XPA: variants seen among roughly 807,000 people sequenced by gnomAD.
XPA encodes the protein DNA repair protein complementing XP-A cells.
A neutral mutation model predicts 35.7 loss-of-function variants in XPA; 27 were observed. The ratio of observed to expected loss-of-function variants is 0.76; its 90% CI spans 0.56 to 1.04. The LOEUF is 1.04. Among genes scored for constraint, XPA ranks in the 50% least tolerant of loss-of-function variants. The pLI is 0.00. For missense variants in XPA, 354 were observed against 342.7 expected (o/e 1.03, Z -0.26); for synonymous variants, 133 against 118.4 (o/e 1.12, Z -0.80).
intron 1 of XPA, among the ~76,000 whole-genome samples, chr9:97,696,000 A>C (rs1450028473): frequency 6.6e-6 from 1 of 152,250 alleles, no homozygotes; most frequent in Non-Finnish European, 1.5e-5. Flanking sequence ...CTATGAATTA[A>C]TCAGTGCAAA....
At chr9:97,677,118 T>G (rs1828391113) in intron 5 of XPA, among the ~76,000 whole-genome samples, 1 of 146,352 alleles carries the variant, frequency 6.8e-6, no homozygotes, top group Admixed American at 6.8e-5. Context: ...AAAATTTTAC[T>G]GCAGCGCAAT....
the XPA span, chr9:97,658,755 A>G: frequency 5.2e-6 from 8 of 1,547,462 alleles, no homozygotes; most frequent in Non-Finnish European, 7.1e-6. Flanking sequence ...TAAGTAATGA[A>G]ACTAATCCCT....
chr9:97,665,981 T>C, the XPA span, among the ~76,000 whole-genome samples: 1 of 152,152 alleles, frequency 6.6e-6, no homozygotes, highest in African/African-American at 2.4e-5. Flanking sequence ...TATCTTCACA[T>C]TGAGTAGGCT....
At chr9:97,696,886 G>A (rs910217727) in intron 1 of XPA, among the ~76,000 whole-genome samples, 23 of 152,240 alleles carry the variant, frequency 1.5e-4, no homozygotes, top group Admixed American at 3.9e-4. Context: ...AAGAAGGCCC[G>A]GGGCTGGGGG....
Position 97,689,638 on chromosome 9 carries a change from T to A in XPA, c.285A>T (p.Gly95=), listed in dbSNP as rs530809213. ...TTACATAATCAAATTCCATAACAGG[T>A]CCTAAGAAAAGGAAAATGAACTCTA... ...QKIGKVVHQP[G]PVMEFDYVIC... Residue 95 remains glycine, a splice_region_variant and synonymous_variant, in exon 3 of 6, where the codon GGA becomes GGT. Transcript: ENST00000375128. 36 of 1,590,520 alleles carry A rather than the reference T, an allele frequency of 2.3e-5. No homozygotes were observed. The South Asian group carries it at 4.0e-4, about 18-fold the overall frequency.
At chr9:97,682,227 G>A (rs888985180) in intron 5 of XPA, 31 of 509,936 alleles carry the variant, frequency 6.1e-5, no homozygotes, top group Non-Finnish European at 1.1e-4. Flanking sequence ...AACTGTGTCA[G>A]CTTCTTTGTG....
At chr9:97,684,115 C>T (rs1587743343) in intron 5 of XPA, among the ~76,000 whole-genome samples, 2 of 152,284 alleles carry the variant, frequency 1.3e-5, no homozygotes, top group Admixed American at 6.5e-5. Flanking sequence ...CAGCACCGCA[C>T]GTTCATCACT....
the XPA span, among the ~76,000 whole-genome samples, chr9:97,659,113 C>A: frequency 6.6e-6 from 1 of 152,202 alleles, no homozygotes; most frequent in African/African-American, 2.4e-5. Context: ...ATATTTGTGG[C>A]AGTATGCCTT....
intron 2 of XPA, 81 bp from the exon 3 acceptor site, chr9:97,689,720 C>A: frequency 1.3e-6 from 1 of 781,586 alleles, no homozygotes. Flanking sequence ...AGCTTATCAG[C>A]ATGTATGCAA....
intron 5 of XPA, among the ~76,000 whole-genome samples, chr9:97,680,131 T>A (rs1329092895): frequency 6.6e-5 from 10 of 152,232 alleles, no homozygotes; most frequent in Admixed American, 6.5e-4. Context: ...TATTAAATTA[T>A]ACACAAGGTA....
chr9:97,662,809 T>C, the XPA span: 1 of 605,924 alleles, frequency 1.7e-6, no homozygotes, highest in Non-Finnish European at 2.8e-6. Flanking sequence ...GTGATCACAC[T>C]TTTTGCATCC....
At chr9:97,691,972 A>G (rs1482725474) in intron 2 of XPA, among the ~76,000 whole-genome samples, 1 of 150,698 alleles carries the variant, frequency 6.6e-6, no homozygotes, top group Non-Finnish European at 1.5e-5. Flanking sequence ...AACTCTCAGA[A>G]CTGCCACAAT....
chr9:97,676,409 CTT>C (rs1312578042), intron 5 of XPA, among the ~76,000 whole-genome samples: 1 of 152,220 alleles, frequency 6.6e-6, no homozygotes, highest in Non-Finnish European at 1.5e-5. Context: ...AAAAGCAACA[CTT>C]TACACTTCTA....
rs772700262 is a variant in XPA at position 97,687,201 on chromosome 9, C to G, written c.450G>C (p.Leu150=). The G allele has an allele frequency of 2.5e-6, 4 of 1,611,466 alleles. No homozygotes were observed. Among genetic ancestry groups the G allele is most frequent in the Non-Finnish European group, 3.4e-6 (4 of 1,179,254 alleles). The change falls in exon 4 of 6, where the codon CTG becomes CTC. Residue 150 remains leucine (L), a synonymous_variant. Transcript: ENST00000375128. ...CTCTTTTTTCTAAATCACAGTCTTT[C>G]AGAAGATATTCTTGTTTTGCCTCTG... ...TKTEAKQEYL[L]KDCDLEKREP...
Position 97,675,475 on chromosome 9 carries a change from A to T in XPA, c.786T>A (p.Thr262=). 1 of 1,614,002 alleles carries T rather than the reference A, an allele frequency of 6.2e-7. No individual in the cohort carries two copies. Among genetic ancestry groups the T allele is most frequent in the Non-Finnish European group, 8.5e-7 (1 of 1,179,940 alleles). Reference sequence around the variant, plus strand: ...CATATGTCAGTTCATGGCCACACATAGTACAAGTCTTACGGTACATGTCAT... The same window carrying T: ...CATATGTCAGTTCATGGCCACACATTGTACAAGTCTTACGGTACATGTCAT... ...LEDDMYRKTC[T]MCGHELTYEK... The change falls in exon 6 of 6, where the codon ACT becomes ACA. Residue 262 remains threonine (T), a synonymous_variant. Coordinates refer to ENST00000375128, the MANE Select transcript of XPA (RefSeq NM_000380.4).
At chr9:97,690,082 T>C (rs568919818) in intron 2 of XPA, among the ~76,000 whole-genome samples, 18 of 152,358 alleles carry the variant, frequency 1.2e-4, no homozygotes, top group African/African-American at 4.3e-4. Flanking sequence ...CCAGCTTCTA[T>C]AGGCTGCCTG....
intron 5 of XPA, among the ~76,000 whole-genome samples, chr9:97,679,231 T>C (rs1828463312): frequency 6.6e-6 from 1 of 152,202 alleles, no homozygotes; most frequent in East Asian, 1.9e-4. Context: ...GTATACAACT[T>C]AGTCTTAAAT....
the XPA span, among the ~76,000 whole-genome samples, chr9:97,662,739 C>T: frequency 7.2e-5 from 11 of 152,188 alleles, no homozygotes; most frequent in African/African-American, 1.2e-4. Flanking sequence ...CCTGGGCTAA[C>T]GGTAGTATAT....
At position 97,675,484 on chromosome 9, in the gene XPA, C is replaced by G. The variant is rs200584154; in HGVS notation, c.777G>C (p.Lys259Asn). The G allele has an allele frequency of 1.9e-6, 3 of 1,613,606 alleles. No individual in the cohort carries two copies. The highest frequency in any genetic ancestry group is 2.7e-5 in the African/African-American group (2 of 74,868). ...EENLEDDMYR[K>N]TCTMCGHELT... ...GTTCATGGCCACACATAGTACAAGT[C>G]TTACGGTACATGTCATCTTCTAGGT... is the stretch of plus-strand genomic sequence containing the variant. Residue 259 changes from lysine (K) to asparagine (N), a missense_variant, in exon 6 of 6, where the codon AAG becomes AAC. Lys to Asn is a moderately conservative substitution (Grantham distance 94, BLOSUM62 0). Transcript: ENST00000375128.
Sources: gnomAD v4.1 joint callset for allele counts (sites outside exome capture counted in the v4.1 genomes callset) on GRCh38, gnomAD v4.1.1 for gene constraint, MANE v1.5 for transcripts, NCBI Gene and HGNC (gene_info 2026-07-23, HGNC 2026-07-21) for gene names.